ADAM23: variants seen among roughly 807,000 people sequenced by gnomAD.
ADAM23 encodes ADAM metallopeptidase domain 23.
A neutral mutation model predicts 120.1 loss-of-function variants in ADAM23; 33 were observed. The observed-to-expected ratio is 0.27, with a 90% CI of 0.21 to 0.37. The LOEUF (loss-of-function observed/expected upper bound fraction) is 0.37, where lower values mean the gene tolerates loss of function less well. Ranked by LOEUF, ADAM23 falls within the 10% of genes least tolerant of loss-of-function variation. The probability of loss-of-function intolerance (pLI) is 1.00; values close to 1 mark genes in which losing one functional copy is unlikely to be tolerated. For missense variants in ADAM23, 862 were observed against 1,058.2 expected (o/e 0.81, Z 2.57); for synonymous variants, 367 against 375.2 (o/e 0.98, Z 0.25).
At chr2:206,475,431 C>T (rs1695756716) in intron 2 of ADAM23, among the ~76,000 whole-genome samples, 1 of 151,958 alleles carries the variant, frequency 6.6e-6, no homozygotes, top group African/African-American at 2.4e-5. Context: ...CAGGATAGGT[C>T]CAAACTAGTC....
chr2:206,477,897 A>AAAATATATATATATATAT (rs374524658), intron 2 of ADAM23, among the ~76,000 whole-genome samples: 5 of 93,566 alleles, frequency 5.3e-5, no homozygotes, highest in African/African-American at 5.2e-5. Context: ...AAAAAAAAAA[A>AAAATATATATATATATAT]ATATATATAT....
intron 3 of ADAM23, among the ~76,000 whole-genome samples, chr2:206,524,783 G>A (rs1167133262): frequency 1.6e-4 from 25 of 152,134 alleles, no homozygotes; most frequent in Admixed American, 1.6e-3. Flanking sequence ...CCCACAACAC[G>A]TGGGAATTAT....
At chr2:206,473,917 G>A (rs892494985) in intron 2 of ADAM23, among the ~76,000 whole-genome samples, 16 of 150,926 alleles carry the variant, frequency 1.1e-4, no homozygotes, top group African/African-American at 3.7e-4. Flanking sequence ...GGAGGCTGAG[G>A]TGGGAGGATT....
chr2:206,613,146 G>A (rs1018958368), intron 25 of ADAM23, among the ~76,000 whole-genome samples: 1 of 151,918 alleles, frequency 6.6e-6, no homozygotes, highest in Admixed American at 6.6e-5. Flanking sequence ...CGCAACCTCC[G>A]CCTCCCAGGT....
At chr2:206,452,615 C>T (rs1695218698) in intron 2 of ADAM23, among the ~76,000 whole-genome samples, 1 of 152,054 alleles carries the variant, frequency 6.6e-6, no homozygotes, top group Non-Finnish European at 1.5e-5. Context: ...GAGAGCAACT[C>T]AGGCAAGCTA....
intron 3 of ADAM23, among the ~76,000 whole-genome samples, chr2:206,490,871 C>A (rs1031510067): frequency 2.0e-5 from 3 of 152,048 alleles, no homozygotes; most frequent in Non-Finnish European, 2.9e-5. Context: ...GATGACTCAT[C>A]TTTATGCTGG....
At chr2:206,470,666 TG>T (rs1695638809) in intron 2 of ADAM23, among the ~76,000 whole-genome samples, 1 of 152,222 alleles carries the variant, frequency 6.6e-6, no homozygotes, top group African/African-American at 2.4e-5. Flanking sequence ...CCTGCATTTT[TG>T]TAAAATGGAG....
chr2:206,496,130 T>C (rs1696240909), intron 3 of ADAM23, among the ~76,000 whole-genome samples: 1 of 152,138 alleles, frequency 6.6e-6, no homozygotes, highest in South Asian at 2.1e-4. Flanking sequence ...GGAATTGAAC[T>C]CAGCTCTGCA....
At chr2:206,564,972 T>C (rs952544825) in intron 13 of ADAM23, 48 bp from the exon 14 acceptor site, 21 of 1,605,430 alleles carry the variant, frequency 1.3e-5, no homozygotes, top group Admixed American at 6.7e-5. Context: ...TATGTGACTT[T>C]CTTTGTTTCC....
At chr2:206,513,402 A>G (rs772226483) in intron 3 of ADAM23, among the ~76,000 whole-genome samples, 1 of 152,236 alleles carries the variant, frequency 6.6e-6, no homozygotes, top group Non-Finnish European at 1.5e-5. Flanking sequence ...AGATCAAACC[A>G]GCCAAAACAT....
intron 3 of ADAM23, among the ~76,000 whole-genome samples, chr2:206,529,686 G>T (rs547445711): frequency 6.6e-6 from 1 of 152,300 alleles, no homozygotes; most frequent in South Asian, 2.1e-4. Context: ...GTGAGCCACT[G>T]TGCCTGACCC....
chr2:206,448,637 A>G (rs1695131025), intron 2 of ADAM23, among the ~76,000 whole-genome samples: 1 of 152,214 alleles, frequency 6.6e-6, no homozygotes, highest in Non-Finnish European at 1.5e-5. Flanking sequence ...AGAGAGAGGC[A>G]GAAGGTTGAG....
At chr2:206,516,472 G>A (rs1308121168) in intron 3 of ADAM23, among the ~76,000 whole-genome samples, 1 of 152,026 alleles carries the variant, frequency 6.6e-6, no homozygotes, top group Non-Finnish European at 1.5e-5. Context: ...TTGGAGGCTA[G>A]GAAGTCTAAG....
In ADAM23 at chr2:206,621,057, T is replaced by C. The variant is rs1463463776; in HGVS notation, c.*3430T>C. On this transcript the variant is annotated 3_prime_UTR_variant, in exon 26 of 26. Coordinates refer to ENST00000264377, the MANE Select transcript of ADAM23 (RefSeq NM_003812.4). ...ATTCATTCGTATCTTGTTGGCTGCC[T>C]ATGAATGGAGATTCAGTAGTCATTG... The C allele has an allele frequency of 1.3e-5, 2 of 152,238 alleles. No individual in the cohort carries two copies. Among genetic ancestry groups the C allele is most frequent in the African/African-American group, 4.8e-5 (2 of 41,472 alleles). 9.4% of individuals were successfully genotyped at this position (152,238 alleles called of 1,614,324 possible).
intron 18 of ADAM23, among the ~76,000 whole-genome samples, chr2:206,583,345 T>C (rs1437505527): frequency 6.6e-6 from 1 of 151,746 alleles, no homozygotes; most frequent in East Asian, 1.9e-4. Context: ...TCCCAGCTAC[T>C]CAGGAGGCTG....
At chr2:206,444,116 C>G (rs1426816398) in intron 1 of ADAM23, 36 bp downstream of exon 1, 9 of 1,252,202 alleles carry the variant, frequency 7.2e-6, no homozygotes, top group Admixed American at 4.0e-5. Context: ...GTTGGCTTTC[C>G]CGCGGGGCCC....
Position 206,443,586 on chromosome 2 carries a change from G to T in ADAM23, c.-281G>T, listed in dbSNP as rs1290159864. On this transcript the variant is annotated 5_prime_UTR_variant, in exon 1 of 26. Transcript: ENST00000264377. ...TCGCTGAAGCGGCCGCGCCCGCCGG[G>T]GGAGGGAGTAGCCGCTGGGGAGGCT... The T allele has an allele frequency of 6.8e-6, 1 of 146,198 alleles. No homozygotes were observed. The highest frequency in any genetic ancestry group is 1.5e-5 in the Non-Finnish European group (1 of 65,436). The allele number at this position is 146,198 out of a possible 1,614,324, so 9.1% of individuals were successfully genotyped here.
rs186214759 is a variant in ADAM23, at chr2:206,571,241, C to T, written c.1566+430C>T. Among the ~76,000 whole-genome samples the T allele has an allele frequency of 4.8e-3, 728 of 151,036 alleles. 2 individuals are homozygous for T. The highest frequency in any genetic ancestry group is 0.012 in the South Asian group (56 of 4,762). ...CTGTAATCCCAGCACTTTGGGAGGC[C>T]GAGGCGGGCAGATCACGAGGTCAGG... On this transcript the variant is annotated intron_variant, in intron 16 of 25. Coordinates refer to ENST00000264377, the MANE Select transcript of ADAM23 (RefSeq NM_003812.4).
intron 25 of ADAM23, 104 bp downstream of exon 25, chr2:206,610,104 GT>G: frequency 1.0e-6 from 1 of 979,214 alleles, no homozygotes; most frequent in Non-Finnish European, 1.4e-6. Context: ...GGTTCTGTCA[GT>G]CAAACTGCAA....
Sources: allele counts gnomAD v4.1 joint callset (sites outside exome capture counted in the v4.1 genomes callset), GRCh38; gene constraint gnomAD v4.1.1; transcripts MANE v1.5; gene names NCBI Gene and HGNC (gene_info 2026-07-23, HGNC 2026-07-21).